The following FBN2 variants were observed in gnomAD, a reference collection of about 807,000 sequenced individuals.
FBN2 encodes the protein fibrillin 2.
FBN2 carries 105 observed loss-of-function variants against 355.6 expected under a neutral mutation model. The observed-to-expected ratio is 0.30, with a 90% CI of 0.25 to 0.35. The LOEUF (loss-of-function observed/expected upper bound fraction) is 0.35, where lower values mean the gene tolerates loss of function less well. Ranked by LOEUF, FBN2 falls within the 10% of genes least tolerant of loss-of-function variation. The pLI, the probability that FBN2 is intolerant of heterozygous loss-of-function variation, is 1.00. For missense variants in FBN2, 3,280 were observed against 3,758.7 expected, an observed-to-expected ratio of 0.87 and a Z score of 3.33; for synonymous variants, 1,350 against 1,301.2, an observed-to-expected ratio of 1.04 and a Z score of -0.81.
chr5:128,488,579 C>T (rs1391781212), intron 5 of FBN2, among the ~76,000 whole-genome samples: 1 of 151,704 alleles, frequency 6.6e-6, no homozygotes, highest in Non-Finnish European at 1.5e-5. Context: ...CATACATGTG[C>T]CATGCTGGTG....
At chr5:128,502,712 T>G (rs1755851618) in intron 5 of FBN2, among the ~76,000 whole-genome samples, 1 of 152,188 alleles carries the variant, frequency 6.6e-6, no homozygotes, top group Non-Finnish European at 1.5e-5. Context: ...GATTTTAAAA[T>G]TTTACAAAAC....
At chr5:128,495,783 A>G (rs1294723078) in intron 5 of FBN2, among the ~76,000 whole-genome samples, 1 of 152,128 alleles carries the variant, frequency 6.6e-6, no homozygotes, top group Non-Finnish European at 1.5e-5. Flanking sequence ...GAGAAGACTC[A>G]AATTATTTAT....
intron 25 of FBN2, among the ~76,000 whole-genome samples, chr5:128,340,835 C>CTCTA (rs550306684): frequency 1.7e-3 from 262 of 150,988 alleles, no homozygotes; most frequent in Non-Finnish European, 3.1e-3. Flanking sequence ...CTCTCTCTCT[C>CTCTA]TATATATATA....
chr5:128,371,511 CCT>C (rs1751942419), intron 15 of FBN2, among the ~76,000 whole-genome samples: 8 of 98,876 alleles, frequency 8.1e-5, no homozygotes, highest in African/African-American at 3.3e-4. Flanking sequence ...CTCCCTCCAT[CCT>C]TCCTTCCTTC....
At chr5:128,393,897 C>T (rs536286778) in intron 9 of FBN2, among the ~76,000 whole-genome samples, 2 of 151,970 alleles carry the variant, frequency 1.3e-5, no homozygotes, top group East Asian at 1.9e-4. Context: ...TCCTTTTTGT[C>T]CAGGTGACAA....
chr5:128,287,498 A>T (rs1749188692), intron 53 of FBN2, 68 bp from the exon 54 acceptor site: 2 of 1,568,550 alleles, frequency 1.3e-6, no homozygotes, highest in African/African-American at 2.7e-5. Context: ...CTAAATGTTG[A>T]TGTCATTTAC....
At position 128,353,160 on chromosome 5, in the gene FBN2, CCT is replaced by C. The variant is rs943957326; in HGVS notation, c.2675-2157_2675-2156del. 2.0e-5 allele frequency among the ~76,000 whole-genome samples: 3 copies of C among 151,434 alleles called. No individual in the cohort carries two copies. The South Asian group carries it at 6.3e-4, about 32-fold the overall frequency. On this transcript the variant is annotated intron_variant, in intron 20 of 64. Coordinates refer to ENST00000262464, the MANE Select transcript of FBN2 (RefSeq NM_001999.4). Reference sequence around the variant, plus strand: ...TCTAGCCTGGGTGACACAGTGAGACCCTGTCTTCCAAAAAAAAAAAAAAGTTT... The same window carrying C: ...TCTAGCCTGGGTGACACAGTGAGACCGTCTTCCAAAAAAAAAAAAAAGTTT...
rs965646523 is a variant in FBN2 at position 128,321,846 on chromosome 5, T to C, written c.4472-2845A>G. On this transcript the variant is annotated intron_variant, in intron 34 of 64. Coordinates refer to ENST00000262464, the MANE Select transcript of FBN2 (RefSeq NM_001999.4). ...CTGGGTCAAATGGTATTTCTGGTTCTGGATCCTGGAGGAATCGCCACACTG... is the reference window on the plus strand; with the variant it reads ...CTGGGTCAAATGGTATTTCTGGTTCCGGATCCTGGAGGAATCGCCACACTG... Among the ~76,000 whole-genome samples, 68 of 152,346 alleles carry C rather than the reference T, an allele frequency of 4.5e-4. 1 individual carries two copies. Among genetic ancestry groups the C allele is most frequent in the African/African-American group, 1.3e-3 (52 of 41,578 alleles).
chr5:128,296,099 T>C (rs1749501630), intron 48 of FBN2, among the ~76,000 whole-genome samples: 1 of 152,218 alleles, frequency 6.6e-6, no homozygotes, highest in Admixed American at 6.5e-5. Context: ...GATAATCATG[T>C]GGTTTTTGTT....
chr5:128,460,296 C>T (rs564674489), intron 6 of FBN2, among the ~76,000 whole-genome samples: 45 of 152,132 alleles, frequency 3.0e-4, no homozygotes, highest in African/African-American at 9.4e-4. Flanking sequence ...ATACAACTTA[C>T]GAGGGATGTG....
chr5:128,355,425 C>A (rs928457353), intron 20 of FBN2, among the ~76,000 whole-genome samples: 2 of 152,168 alleles, frequency 1.3e-5, no homozygotes, highest in Non-Finnish European at 2.9e-5. Flanking sequence ...AAGCAGTTTG[C>A]AGAATAGTTG....
At chr5:128,337,878 T>C (rs1246110819) in intron 27 of FBN2, 119 bp downstream of exon 27, 1 of 1,112,750 alleles carries the variant, frequency 9.0e-7, no homozygotes, top group Non-Finnish European at 1.3e-6. Flanking sequence ...GGAATCTCAA[T>C]TTCCACCTTT....
At chr5:128,460,810 G>A (rs1450912809) in intron 6 of FBN2, among the ~76,000 whole-genome samples, 1 of 152,154 alleles carries the variant, frequency 6.6e-6, no homozygotes, top group Non-Finnish European at 1.5e-5. Flanking sequence ...GCCATATGCA[G>A]AAAATTGAAA....
Position 128,258,404 on chromosome 5 carries a change from A to T in FBN2, c.*1051T>A, listed in dbSNP as rs1293730546. The stretch of plus-strand genomic sequence containing the variant: ...AAATGGGTTTAAAACAACAACAACA[A>T]CATATATTCCTTGGCTGCATTGCAT... On this transcript the variant is annotated 3_prime_UTR_variant, in exon 65 of 65. Transcript: ENST00000262464. The T allele has an allele frequency of 6.6e-6, 1 of 152,612 alleles. No individual in the cohort carries two copies. The highest frequency in any genetic ancestry group is 1.5e-5 in the Non-Finnish European group (1 of 68,048). The allele number at this position is 152,612 out of a possible 1,614,324, so 9.5% of individuals were successfully genotyped here.
intron 7 of FBN2, among the ~76,000 whole-genome samples, chr5:128,421,580 G>A (rs1753351273): frequency 6.6e-6 from 1 of 152,058 alleles, no homozygotes; most frequent in Admixed American, 6.6e-5. Flanking sequence ...CAAGGTGATT[G>A]GAATCTATGG....
chr5:128,427,215 T>C (rs1264403076), intron 7 of FBN2, among the ~76,000 whole-genome samples: 1 of 152,020 alleles, frequency 6.6e-6, no homozygotes, highest in Non-Finnish European at 1.5e-5. Flanking sequence ...AGCATGGAAA[T>C]AAAAGATAAT....
At chr5:128,460,422 CATACTATCCAAAGTAATTTATAGATTCA>C (rs1754527874) in intron 6 of FBN2, among the ~76,000 whole-genome samples, 1 of 152,058 alleles carries the variant, frequency 6.6e-6, no homozygotes, top group Non-Finnish European at 1.5e-5. Flanking sequence ...TGAAAATGGC[CATACTATCCAAAGTAATTTATAGATTCA>C]ATGCTATTCC....
At chr5:128,394,338 A>G (rs1752593330) in intron 9 of FBN2, among the ~76,000 whole-genome samples, 1 of 152,124 alleles carries the variant, frequency 6.6e-6, no homozygotes, top group Admixed American at 6.5e-5. Context: ...ATTAACCCTA[A>G]TTTCCCAATA....
chr5:128,469,150 A>G (rs1427101192), intron 5 of FBN2, among the ~76,000 whole-genome samples: 1 of 152,196 alleles, frequency 6.6e-6, no homozygotes, highest in Non-Finnish European at 1.5e-5. Context: ...GAGAGAAGAG[A>G]GCACCAATGT....
Sources: allele counts gnomAD v4.1 joint callset (sites outside exome capture counted in the v4.1 genomes callset), GRCh38; gene constraint gnomAD v4.1.1; transcripts MANE v1.5; gene names NCBI Gene and HGNC (gene_info 2026-07-23, HGNC 2026-07-21).